Variants in WDR72 observed in about 807,000 individuals in gnomAD.
WDR72 encodes WD repeat-containing protein 72.
Under a neutral mutation model 124.2 loss-of-function variants are expected in WDR72, and 120 were observed. The observed-to-expected ratio is 0.97, with a 90% CI of 0.83 to 1.12. The LOEUF is 1.12. WDR72 is among the 50% of genes most tolerant of loss of function. WDR72 has a pLI of 0.00. For synonymous variants in WDR72, 452 were observed against 441.7 expected (o/e 1.02, Z -0.29); for missense variants, 1,387 against 1,278.8 (o/e 1.08, Z -1.29).
At chr15:53,541,561 C>T (rs1400762659) in intron 18 of WDR72, among the ~76,000 whole-genome samples, 2 of 151,798 alleles carry the variant, frequency 1.3e-5, no homozygotes, top group African/African-American at 2.4e-5. Context: ...AACAGAAAAA[C>T]TGGATACTCT....
intron 18 of WDR72, among the ~76,000 whole-genome samples, chr15:53,593,816 G>A (rs193189188): frequency 1.8e-4 from 27 of 151,800 alleles, no homozygotes; most frequent in African/African-American, 6.5e-4. Context: ...ATATTTAAAA[G>A]TGTATTTCAA....
chr15:53,615,081 C>A (rs1381596808), intron 15 of WDR72, among the ~76,000 whole-genome samples: 1 of 151,826 alleles, frequency 6.6e-6, no homozygotes, highest in East Asian at 1.9e-4. Flanking sequence ...GATTTCAAGA[C>A]GTATATGTGT....
intron 17 of WDR72, among the ~76,000 whole-genome samples, chr15:53,603,514 G>T (rs999312923): frequency 9.2e-5 from 14 of 151,906 alleles, no homozygotes; most frequent in Non-Finnish European, 2.9e-5. Flanking sequence ...AATCAATAAA[G>T]GTCATTCAAG....
intron 14 of WDR72, among the ~76,000 whole-genome samples, chr15:53,636,563 A>G (rs1030528775): frequency 1.3e-5 from 2 of 152,202 alleles, no homozygotes; most frequent in Non-Finnish European, 2.9e-5. Flanking sequence ...TATATAAGAA[A>G]TGTAGCTTTG....
At chr15:53,728,660 A>G (rs769364657) in intron 2 of WDR72, among the ~76,000 whole-genome samples, 4 of 152,170 alleles carry the variant, frequency 2.6e-5, no homozygotes, top group Admixed American at 6.5e-5. Context: ...TAGCAATACT[A>G]AGGGAATCTA....
chr15:53,755,947 C>T (rs1464916012), intron 1 of WDR72, among the ~76,000 whole-genome samples: 1 of 152,226 alleles, frequency 6.6e-6, no homozygotes. Context: ...TTCTGAAATT[C>T]ATTATTCCTC....
chr15:53,543,954 G>A (rs1253969497), intron 18 of WDR72, among the ~76,000 whole-genome samples: 8 of 151,958 alleles, frequency 5.3e-5, no homozygotes, highest in Admixed American at 1.3e-4. Context: ...TCCCAAGACT[G>A]AACCAGGAAG....
intron 13 of WDR72, among the ~76,000 whole-genome samples, chr15:53,679,446 C>T (rs4643264): frequency 0.076 from 11,508 of 151,980 alleles, 1,121 homozygotes; most frequent in African/African-American, 0.22. Context: ...ACCCAAAGAA[C>T]AATATACAGA....
At chr15:53,600,175 C>A (rs890193675) in intron 17 of WDR72, among the ~76,000 whole-genome samples, 1 of 152,054 alleles carries the variant, frequency 6.6e-6, no homozygotes, top group African/African-American at 2.4e-5. Flanking sequence ...ATAGATTCTG[C>A]AGACTTTCAA....
chr15:53,528,500 G>A (rs1259109047), intron 18 of WDR72, among the ~76,000 whole-genome samples: 3 of 152,016 alleles, frequency 2.0e-5, no homozygotes, highest in Non-Finnish European at 4.4e-5. Flanking sequence ...TCCTGCAGTT[G>A]TAATCTAATA....
At chr15:53,700,577 CG>C (rs1170992691) in intron 12 of WDR72, among the ~76,000 whole-genome samples, 1 of 151,742 alleles carries the variant, frequency 6.6e-6, no homozygotes, top group Non-Finnish European at 1.5e-5. Context: ...GAACAGGTTA[CG>C]ACAATTACTA....
chr15:53,726,504 C>T (rs2018042674), intron 2 of WDR72, among the ~76,000 whole-genome samples: 1 of 151,866 alleles, frequency 6.6e-6, no homozygotes. Context: ...CTAAAATTAA[C>T]CTTCCTACAT....
At chr15:53,643,986 C>G (rs2014951320) in intron 14 of WDR72, among the ~76,000 whole-genome samples, 1 of 152,012 alleles carries the variant, frequency 6.6e-6, no homozygotes, top group Admixed American at 6.6e-5. Context: ...GTTAGAAAAT[C>G]CAAATCAAGT....
At chr15:53,525,327 A>G (rs1892054241) in intron 18 of WDR72, among the ~76,000 whole-genome samples, 1 of 152,080 alleles carries the variant, frequency 6.6e-6, no homozygotes, top group Non-Finnish European at 1.5e-5. Context: ...TATTTATAAA[A>G]GGAAATAAAT....
chr15:53,564,661 A>G (rs1018468298), intron 18 of WDR72, among the ~76,000 whole-genome samples: 4 of 151,852 alleles, frequency 2.6e-5, no homozygotes, highest in Non-Finnish European at 4.4e-5. Flanking sequence ...AACCATTAGC[A>G]TCCACATTTG....
At chr15:53,681,034 T>C (rs1460879517) in intron 13 of WDR72, among the ~76,000 whole-genome samples, 2 of 152,232 alleles carry the variant, frequency 1.3e-5, no homozygotes, top group Admixed American at 6.5e-5. Context: ...TTTCATCTAG[T>C]TCATCCCTAG....
chr15:53,525,682 A>G (rs1364021072), intron 18 of WDR72, among the ~76,000 whole-genome samples: 1 of 152,068 alleles, frequency 6.6e-6, no homozygotes. Context: ...CATGATCTTC[A>G]TTAAACTCAC....
intron 18 of WDR72, among the ~76,000 whole-genome samples, chr15:53,594,585 T>G (rs1057252197): frequency 2.7e-5 from 4 of 150,022 alleles, no homozygotes; most frequent in Non-Finnish European, 4.4e-5. Flanking sequence ...TCAACCAGCC[T>G]GGGCAACATG....
intron 18 of WDR72, among the ~76,000 whole-genome samples, chr15:53,565,494 C>T (rs1237247117): frequency 6.6e-6 from 1 of 151,908 alleles, no homozygotes; most frequent in African/African-American, 2.4e-5. Flanking sequence ...GACCTATTCT[C>T]CACACTCCTG....
Sources: allele counts gnomAD v4.1 joint callset (sites outside exome capture counted in the v4.1 genomes callset), GRCh38; gene constraint gnomAD v4.1.1; transcripts MANE v1.5; gene names NCBI Gene and HGNC (gene_info 2026-07-23, HGNC 2026-07-21).